Variants in LRRK1 observed in about 807,000 individuals in gnomAD.
The protein encoded by LRRK1 is leucine rich repeat kinase 1.
LRRK1 carries 113 observed loss-of-function variants against 209.1 expected under a neutral mutation model. The observed-to-expected ratio is 0.54, with a 90% CI of 0.46 to 0.63. LRRK1 has a LOEUF of 0.63. Among genes scored for constraint, LRRK1 ranks in the 30% least tolerant of loss-of-function variants. The pLI is 0.00. For missense variants in LRRK1, 2,284 were observed against 2,632.2 expected, an observed-to-expected ratio of 0.87 and a Z score of 2.89; for synonymous variants, 1,144 against 1,099.7, an observed-to-expected ratio of 1.04 and a Z score of -0.80.
chr15:100,921,870 A>G (rs1159029653), intron 1 of LRRK1, among the ~76,000 whole-genome samples: 1 of 151,894 alleles, frequency 6.6e-6, no homozygotes, highest in Non-Finnish European at 1.5e-5. Context: ...GGCGCCCACC[A>G]GCATGCCCAG....
rs372175376 is a variant in LRRK1 at position 100,973,151 on chromosome 15, G to A, written c.98-653G>A. Among the ~76,000 whole-genome samples, 25 of 152,328 alleles carry A rather than the reference G, an allele frequency of 1.6e-4. 2 individuals are homozygous for A. Among genetic ancestry groups the A allele is most frequent in the Admixed American group, 7.8e-4 (12 of 15,310 alleles). On this transcript the variant is annotated intron_variant, in intron 2 of 33. Transcript: ENST00000388948. ...GACCGCCGCTTTTGCTGAACGGCCCGGGCGCTGGGTCGCGGCCTCCCGCAA... is the reference window on the plus strand; with the variant it reads ...GACCGCCGCTTTTGCTGAACGGCCCAGGCGCTGGGTCGCGGCCTCCCGCAA...
At chr15:101,006,053 G>A (rs1384476751) in intron 6 of LRRK1, among the ~76,000 whole-genome samples, 2 of 152,192 alleles carry the variant, frequency 1.3e-5, no homozygotes, top group East Asian at 3.8e-4. Flanking sequence ...CCCATAGATT[G>A]TGTACTAATC....
chr15:100,919,888 T>C lies in LRRK1; in HGVS notation c.-123+437T>C, dbSNP rs1402905510. 3 of 149,802 alleles carry C rather than the reference T, an allele frequency of 2.0e-5. No individual in the cohort carries two copies. The highest frequency in any genetic ancestry group is 4.4e-5 in the Non-Finnish European group (3 of 67,576). 9.3% of individuals were successfully genotyped at this position (149,802 alleles called of 1,614,324 possible). A position where few individuals can be genotyped will look rare whatever the true frequency, so the allele number is the denominator to read the frequency against. On this transcript the variant is annotated intron_variant, in intron 1 of 33. Coordinates refer to ENST00000388948, the MANE Select transcript of LRRK1 (RefSeq NM_024652.6). The surrounding 1 kb of genome is among the most constrained non-coding windows in gnomAD (Gnocchi z 5.8). ...GTCCCTTAGCGGGGAGCGGGCGGAGTGTGAGCGCGCGGGTGAGCCCGTGCC... is the reference window on the plus strand; with the variant it reads ...GTCCCTTAGCGGGGAGCGGGCGGAGCGTGAGCGCGCGGGTGAGCCCGTGCC...
In LRRK1 at chr15:101,027,148, C is replaced by T. The variant is rs1014085157; in HGVS notation, c.2406-113C>T. 5.1e-5 allele frequency: 69 copies of T among 1,351,830 alleles called. No homozygotes were observed. The highest frequency in any genetic ancestry group is 7.0e-5 in the East Asian group (3 of 43,086). The allele number at this position is 1,351,830 out of a possible 1,614,324, so 83.7% of individuals were successfully genotyped here. On this transcript the variant is annotated intron_variant, in intron 17 of 33. Transcript: ENST00000388948. This position sits in a 1 kb window ranked among gnomAD's most constrained non-coding sequence, Gnocchi z 5.1. ...AATAAACTTCTTGTGTTGTCTTTCA[C>T]GAGTTCTCCAGACTTGCCAGCGTTC...
chr15:101,034,372 GT>G (rs1396977682), intron 20 of LRRK1, among the ~76,000 whole-genome samples: 1 of 152,004 alleles, frequency 6.6e-6, no homozygotes, highest in African/African-American at 2.4e-5. Context: ...TCTTCTAGTA[GT>G]TTATAGTTTG....
chr15:100,937,974 C>A (rs931637041), intron 2 of LRRK1, among the ~76,000 whole-genome samples: 1 of 152,094 alleles, frequency 6.6e-6, no homozygotes, highest in Admixed American at 6.5e-5. Flanking sequence ...CCTCATCCTC[C>A]TAAGTAGCTG....
At chr15:101,068,181 T>A (rs2036639072) in intron 33 of LRRK1, among the ~76,000 whole-genome samples, 1 of 152,178 alleles carries the variant, frequency 6.6e-6, no homozygotes, top group Non-Finnish European at 1.5e-5. Flanking sequence ...AAAATGTATA[T>A]AGTGATGACT....
chr15:100,928,397 T>C (rs2042150708), intron 2 of LRRK1, among the ~76,000 whole-genome samples: 1 of 152,176 alleles, frequency 6.6e-6, no homozygotes, highest in Non-Finnish European at 1.5e-5. Context: ...CTAGACTTCC[T>C]GGGATGATAG....
intron 6 of LRRK1, among the ~76,000 whole-genome samples, chr15:100,999,961 G>A (rs931021778): frequency 4.6e-5 from 7 of 152,102 alleles, no homozygotes; most frequent in Non-Finnish European, 1.0e-4. Context: ...TGGTTTCAAC[G>A]GTAATATTTC....
intron 2 of LRRK1, among the ~76,000 whole-genome samples, chr15:100,946,931 C>G (rs1407460952): frequency 6.6e-6 from 1 of 152,132 alleles, no homozygotes; most frequent in Non-Finnish European, 1.5e-5. Flanking sequence ...TTGCAAAGAG[C>G]ATTAACAAAA....
intron 6 of LRRK1, among the ~76,000 whole-genome samples, chr15:100,995,056 T>A (rs2032337417): frequency 6.6e-5 from 10 of 152,224 alleles, no homozygotes; most frequent in Admixed American, 6.5e-4. Flanking sequence ...CTCATGGCTG[T>A]GACCTTGTTG....
At chr15:101,066,906 A>G (rs1033818211) in intron 33 of LRRK1, among the ~76,000 whole-genome samples, 165 bp downstream of exon 33, 8 of 152,186 alleles carry the variant, frequency 5.3e-5, no homozygotes, top group African/African-American at 1.9e-4. Context: ...GGCCCCTCAG[A>G]CAGCTCCTAG....
chr15:100,962,824 T>TACATATATATATA (rs1555461505), intron 2 of LRRK1, among the ~76,000 whole-genome samples: 2 of 8,440 alleles, frequency 2.4e-4, no homozygotes, highest in Non-Finnish European at 5.7e-4. Context: ...TATATATATA[T>TACATATATATATA]TTTTTTTTTT....
At position 101,073,918 on chromosome 15, in the gene LRRK1, C is replaced by T. The variant is rs1475670463; in HGVS notation, c.*5070C>T. The T allele has an allele frequency of 6.6e-6, 1 of 152,174 alleles. No homozygotes were observed. Among genetic ancestry groups the T allele is most frequent in the East Asian group, 1.9e-4 (1 of 5,190 alleles). 9.4% of individuals were successfully genotyped at this position (152,174 alleles called of 1,614,324 possible). On this transcript the variant is annotated 3_prime_UTR_variant, in exon 34 of 34. Transcript: ENST00000388948. ...TGCCTTATTTTCTTCTGCAATGCCG[C>T]TTGACCCCAATACAAACTCAACAGT...
intron 4 of LRRK1, among the ~76,000 whole-genome samples, chr15:100,984,486 C>G (rs1478779515): frequency 7.5e-6 from 1 of 133,666 alleles, no homozygotes; most frequent in Non-Finnish European, 1.6e-5. Context: ...CCCCATCCCT[C>G]CCTCCCTCCC....
chr15:100,998,714 T>C (rs1174534416), intron 6 of LRRK1, among the ~76,000 whole-genome samples: 5 of 151,774 alleles, frequency 3.3e-5, no homozygotes, highest in African/African-American at 1.2e-4. Context: ...GTTGCATGGA[T>C]GGATAGGAGG....
rs142162599 is a variant in LRRK1, at chr15:100,989,596, C to G, written c.762+198C>G. ...ATGAAGGTGGAGGGCAAGAGACCAACAGACTGAGAGAGGGAAGAACTCACT... is the reference window on the plus strand; with the variant it reads ...ATGAAGGTGGAGGGCAAGAGACCAAGAGACTGAGAGAGGGAAGAACTCACT... On this transcript the variant is annotated intron_variant, in intron 6 of 33. Coordinates refer to ENST00000388948, the MANE Select transcript of LRRK1 (RefSeq NM_024652.6). The G allele has an allele frequency of 5.0e-3, 3,059 of 608,584 alleles. 14 individuals are homozygous for G. The highest frequency in any genetic ancestry group is 0.012 in the African/African-American group (634 of 54,110). 37.7% of individuals were successfully genotyped at this position (608,584 alleles called of 1,614,324 possible).
At chr15:100,941,321 TG>T (rs2042407883) in intron 2 of LRRK1, among the ~76,000 whole-genome samples, 1 of 151,846 alleles carries the variant, frequency 6.6e-6, no homozygotes, top group Non-Finnish European at 1.5e-5. Context: ...TGTCTGTGTG[TG>T]TGTGTCTGTG....
At chr15:101,006,389 A>AAAG (rs2032958872) in intron 6 of LRRK1, among the ~76,000 whole-genome samples, 2 of 146,596 alleles carry the variant, frequency 1.4e-5, no homozygotes, top group South Asian at 4.2e-4. Flanking sequence ...AAAAAAAAAA[A>AAAG]AAAGAAAAGG....
Sources: gnomAD v4.1 joint callset for allele counts (sites outside exome capture counted in the v4.1 genomes callset) on GRCh38, gnomAD v4.1.1 for gene constraint, Gnocchi (gnomAD v3.1) non-coding constraint, MANE v1.5 for transcripts, NCBI Gene and HGNC (gene_info 2026-07-23, HGNC 2026-07-21) for gene names.